CPNE8: variants seen among roughly 807,000 people sequenced by gnomAD.
The protein encoded by CPNE8 is copine-8.
CPNE8 carries 45 observed loss-of-function variants against 81.5 expected under a neutral mutation model. The observed-to-expected ratio is 0.55, with a 90% CI of 0.44 to 0.71. The LOEUF is 0.71. Among genes scored for constraint, CPNE8 ranks in the 30% least tolerant of loss-of-function variants. The pLI is 0.00. For synonymous variants in CPNE8, 252 were observed against 226.3 expected (o/e 1.11, Z -1.02); for missense variants, 594 against 672.1 (o/e 0.88, Z 1.28).
intron 7 of CPNE8, among the ~76,000 whole-genome samples, chr12:38,773,506 T>C (rs1178492497): frequency 6.6e-6 from 1 of 152,040 alleles, no homozygotes; most frequent in Non-Finnish European, 1.5e-5. Flanking sequence ...TTAAAAAAAT[T>C]GTCATTTTAC....
chr12:38,755,464 T>C (rs937048957), intron 10 of CPNE8, among the ~76,000 whole-genome samples: 3 of 152,130 alleles, frequency 2.0e-5, no homozygotes, highest in Admixed American at 6.5e-5. Flanking sequence ...CTGAAAAAAC[T>C]TCAAGCAATT....
intron 6 of CPNE8, among the ~76,000 whole-genome samples, chr12:38,797,250 T>A (rs1018258528): frequency 6.6e-6 from 1 of 152,188 alleles, no homozygotes; most frequent in Non-Finnish European, 1.5e-5. Context: ...CCTCCTCAAC[T>A]GCGTCCCTGA....
At chr12:38,872,007 T>A (rs1271073769) in intron 3 of CPNE8, among the ~76,000 whole-genome samples, 1 of 152,082 alleles carries the variant, frequency 6.6e-6, no homozygotes, top group Non-Finnish European at 1.5e-5. Flanking sequence ...TGGTGGCGCA[T>A]GCCTGTAATC....
At chr12:38,790,736 C>T (rs370227183) in intron 6 of CPNE8, among the ~76,000 whole-genome samples, 14 of 151,306 alleles carry the variant, frequency 9.3e-5, no homozygotes, top group African/African-American at 3.1e-4. Flanking sequence ...CACTATGTAC[C>T]CACAAAAATT....
intron 6 of CPNE8, among the ~76,000 whole-genome samples, chr12:38,811,133 C>T (rs867889247): frequency 3.9e-5 from 6 of 152,066 alleles, no homozygotes; most frequent in Non-Finnish European, 8.8e-5. Context: ...CAAAATTCTT[C>T]CTTCTACCCT....
At chr12:38,858,948 C>T (rs1283266503) in intron 3 of CPNE8, among the ~76,000 whole-genome samples, 1 of 152,158 alleles carries the variant, frequency 6.6e-6, no homozygotes, top group African/African-American at 2.4e-5. Flanking sequence ...AAATACTTTA[C>T]CTGAACATGT....
chr12:38,760,435 G>GTGTA (rs1555154496), intron 10 of CPNE8, among the ~76,000 whole-genome samples: 30 of 127,276 alleles, frequency 2.4e-4, no homozygotes, highest in Admixed American at 4.8e-4. Flanking sequence ...TGTATGGTGT[G>GTGTA]TATATATATA....
At chr12:38,848,773 T>C in intron 3 of CPNE8, 111 bp from the exon 4 acceptor site, 1 of 1,316,316 alleles carries the variant, frequency 7.6e-7, no homozygotes, top group Non-Finnish European at 9.9e-7. Context: ...AATATCCAAA[T>C]AATAGAAATT....
At chr12:38,665,751 C>G (rs915983825) in intron 19 of CPNE8, among the ~76,000 whole-genome samples, 1 of 152,142 alleles carries the variant, frequency 6.6e-6, no homozygotes, top group African/African-American at 2.4e-5. Flanking sequence ...ACAGCATAAA[C>G]AAACAAATAG....
intron 18 of CPNE8, among the ~76,000 whole-genome samples, chr12:38,675,127 C>T (rs576510455): frequency 3.9e-5 from 6 of 152,284 alleles, no homozygotes; most frequent in Admixed American, 3.3e-4. Flanking sequence ...ACCCAGTATG[C>T]CAATTTAGCA....
intron 3 of CPNE8, among the ~76,000 whole-genome samples, chr12:38,870,550 C>G (rs1396125687): frequency 1.3e-5 from 2 of 152,094 alleles, no homozygotes; most frequent in Non-Finnish European, 2.9e-5. Flanking sequence ...GAACAGAAAA[C>G]TAAACACCAC....
intron 6 of CPNE8, among the ~76,000 whole-genome samples, chr12:38,800,224 A>T (rs1374668729): frequency 1.2e-5 from 1 of 82,474 alleles, no homozygotes; most frequent in Non-Finnish European, 3.1e-5. Context: ...AAACAAAAAG[A>T]CAGCAGTAAC....
intron 15 of CPNE8, among the ~76,000 whole-genome samples, chr12:38,687,557 T>C (rs960144914): frequency 6.6e-6 from 1 of 151,902 alleles, no homozygotes; most frequent in African/African-American, 2.4e-5. Flanking sequence ...AATTTTTGTA[T>C]TTTTAGTAAA....
At chr12:38,659,837 C>T (rs1268233483) in intron 19 of CPNE8, among the ~76,000 whole-genome samples, 1 of 152,052 alleles carries the variant, frequency 6.6e-6, no homozygotes, top group African/African-American at 2.4e-5. Context: ...GACAGAGGGC[C>T]AAATCATGAG....
intron 3 of CPNE8, among the ~76,000 whole-genome samples, chr12:38,867,434 T>C (rs1166734777): frequency 6.6e-6 from 1 of 151,642 alleles, no homozygotes; most frequent in East Asian, 1.9e-4. Context: ...AATGTTAAAA[T>C]AGCTCAGTGT....
At chr12:38,783,495 T>C (rs1215499447) in intron 6 of CPNE8, among the ~76,000 whole-genome samples, 4 of 152,140 alleles carry the variant, frequency 2.6e-5, no homozygotes, top group Non-Finnish European at 4.4e-5. Flanking sequence ...TGGTGAGGTA[T>C]TGAACTCAGT....
rs137976772 is a variant in CPNE8, at chr12:38,675,291, T to C, written c.1432+426A>G. Among the ~76,000 whole-genome samples the C allele has an allele frequency of 1.0e-3, 158 of 152,320 alleles. 1 individual carries two copies. Among genetic ancestry groups the C allele is most frequent in the African/African-American group, 3.5e-3 (146 of 41,584 alleles). ...ATTAAATTAGCATATTATGCTTATG[T>C]TAACATTTCTTTTCACAACCTAATG... On this transcript the variant is annotated intron_variant, in intron 18 of 19. Coordinates refer to ENST00000331366, the MANE Select transcript of CPNE8 (RefSeq NM_153634.3).
chr12:38,670,795 G>T lies in CPNE8; in HGVS notation c.1440C>A (p.Val480=). ...CTCTTACATCATCTCCATCCAATTC[G>T]ACCATTGCTTTAAGAGAAAATATGA... ...GVGPAEFDAM[V]ELDGDDVRVS... is the part of the protein sequence containing the mutation. Residue 480 remains valine, a synonymous_variant, in exon 19 of 20, where the codon GTC becomes GTA. Coordinates refer to ENST00000331366, the MANE Select transcript of CPNE8 (RefSeq NM_153634.3). 1.2e-6 allele frequency: 2 copies of T among 1,604,870 alleles called. No homozygotes were observed. Among genetic ancestry groups the T allele is most frequent in the South Asian group, 1.1e-5 (1 of 90,242 alleles).
At chr12:38,767,776 C>A (rs776432848) in intron 7 of CPNE8, 38 bp from the exon 8 acceptor site, 1 of 1,257,614 alleles carries the variant, frequency 8.0e-7, no homozygotes, top group East Asian at 2.7e-5. Context: ...AAGATTTGGG[C>A]TATAAATAAC....
Sources: gnomAD v4.1 joint callset for allele counts (sites outside exome capture counted in the v4.1 genomes callset) on GRCh38, gnomAD v4.1.1 for gene constraint, MANE v1.5 for transcripts, NCBI Gene and HGNC (gene_info 2026-07-23, HGNC 2026-07-21) for gene names.